The following SIRPB1 variants were observed in gnomAD, a reference collection of about 807,000 sequenced individuals.
SIRPB1 encodes signal-regulatory protein beta-1.
In SIRPB1, 28 loss-of-function variants were observed where a neutral mutation model predicts 34.1. The ratio of observed to expected loss-of-function variants is 0.82; its 90% CI spans 0.61 to 1.12. SIRPB1 has a LOEUF of 1.12. Ranked by LOEUF, SIRPB1 falls within the 50% of genes most tolerant of loss-of-function variation. The pLI is 0.00. For synonymous variants in SIRPB1, 211 were observed against 203.8 expected (o/e 1.04, Z -0.30); for missense variants, 499 against 507.0 (o/e 0.98, Z 0.15).
At position 1,566,177 on chromosome 20, in the gene SIRPB1, A is replaced by T; in HGVS notation, c.1175T>A (p.Ile392Asn). The T allele has an allele frequency of 6.2e-7, 1 of 1,610,256 alleles. No individual in the cohort carries two copies. Among genetic ancestry groups the T allele is most frequent in the Non-Finnish European group, 8.5e-7 (1 of 1,178,240 alleles). Residue 392 changes from isoleucine to asparagine, a missense_variant, in exon 5 of 6, where the codon ATC (isoleucine) becomes AAC (asparagine). Ile to Asn is a moderately radical substitution (Grantham distance 149). Coordinates refer to ENST00000381605, the MANE Select transcript of SIRPB1 (RefSeq NM_006065.5). ...LLVVGVSAIY[I>N]CWKQKA ...CAGTCAGGCCTTCTGTTTCCAGCAG[A>T]TGTAGATGGCAGAGACACCAACCAC...
rs547656371 is a variant in SIRPB1, at chr20:1,580,574, A to C, written c.77-1880T>G. Among the ~76,000 whole-genome samples the C allele has an allele frequency of 4.0e-5, 2 of 49,926 alleles. 1 individual carries two copies. The highest frequency in any genetic ancestry group is 1.4e-3 in the South Asian group (2 of 1,458). The allele number at this position is 49,926 out of a possible 152,430, so 32.8% of individuals were successfully genotyped here. A position where few individuals can be genotyped will look rare whatever the true frequency, so the allele number is the denominator to read the frequency against. ...CTAGAGGGGTCCCCCCAATGGGTAT[A>C]AGCCGGTGGAAGAATAATCAGAAAA... On this transcript the variant is annotated intron_variant, in intron 1 of 5. Transcript: ENST00000381605.
intron 4 of SIRPB1, 118 bp from the exon 5 acceptor site, chr20:1,566,385 C>T (rs2091135646): frequency 3.4e-6 from 2 of 595,744 alleles, no homozygotes; most frequent in Non-Finnish European, 5.9e-6. Context: ...AGCTTTTGAA[C>T]TTGCATCCTG....
chr20:1,617,687 C>T, intron 1 of SIRPB1, among the ~76,000 whole-genome samples: 1 of 152,108 alleles, frequency 6.6e-6, no homozygotes, highest in African/African-American at 2.4e-5. Context: ...TTTGAGAGAT[C>T]TCACCACAGA....
In SIRPB1 at chr20:1,578,635, C is replaced by A. The variant is rs761288540; in HGVS notation, c.136G>T (p.Ala46Ser). 13 of 1,584,394 alleles carry A rather than the reference C, an allele frequency of 8.2e-6. No homozygotes were observed. In the East Asian group the frequency reaches 2.2e-4, roughly 27 times the overall value. ...CAGCGCAGAGTGGCCGACTCTCCAG[C>A]TGCAACTGATACGGACTTTTCAGGC... is the stretch of plus-strand genomic sequence containing the variant. ...IQPEKSVSVA[A>S]GESATLRCAM... is the part of the protein sequence containing the mutation. Residue 46 changes from alanine (A) to serine (S), a missense_variant, in exon 2 of 6, where the codon GCT becomes TCT. Ala to Ser is a moderately conservative substitution (Grantham distance 99). Coordinates refer to ENST00000381605, the MANE Select transcript of SIRPB1 (RefSeq NM_006065.5).
Position 1,571,843 on chromosome 20 carries a change from T to C in SIRPB1, c.628A>G (p.Ser210Gly), listed in dbSNP as rs549516216. Reference protein sequence around the residue: ...AGDSVSYSIHSTARVVLTRGD... With the variant: ...AGDSVSYSIHGTARVVLTRGD... ...CGGGTCAGCACCACCCTGGCTGTGC[T>C]GTGGATGCTGTAGGACACACTGTCT... The change falls in exon 3 of 6, where the codon AGC (serine) becomes GGC (glycine). Residue 210 changes from serine (S) to glycine (G), a missense_variant. By Grantham distance (56) the Ser-to-Gly change is moderately conservative (BLOSUM62 0). Transcript: ENST00000381605. 6 of 1,614,262 alleles carry C rather than the reference T, an allele frequency of 3.7e-6. No individual in the cohort carries two copies. The Admixed American group carries it at 5.0e-5, about 13-fold the overall frequency.
Position 1,612,412 on chromosome 20 carries a change from T to C in SIRPB1, c.76+7457A>G, listed in dbSNP as rs2091578063. ...GCCTCCACTCTGTGGCTACATGGAG[T>C]GTTGCACTTTTTGCATCAATGGATT... On this transcript the variant is annotated intron_variant, in intron 1 of 5. Transcript: ENST00000381605. 2.8e-5 allele frequency among the ~76,000 whole-genome samples: 2 copies of C among 72,354 alleles called. 1 individual carries two copies. The highest frequency in any genetic ancestry group is 5.2e-5 in the Non-Finnish European group (2 of 38,592). 47.5% of individuals were successfully genotyped at this position (72,354 alleles called of 152,430 possible). A position where few individuals can be genotyped will look rare whatever the true frequency, so the allele number is the denominator to read the frequency against.
chr20:1,589,393 A>G lies in SIRPB1; in HGVS notation c.77-10699T>C, dbSNP rs1315950989. 4.1e-5 allele frequency among the ~76,000 whole-genome samples: 2 copies of G among 48,410 alleles called. 1 individual carries two copies. Among genetic ancestry groups the G allele is most frequent in the Non-Finnish European group, 7.9e-5 (2 of 25,268 alleles). The allele number at this position is 48,410 out of a possible 152,430, so 31.8% of individuals were successfully genotyped here. A position where few individuals can be genotyped will look rare whatever the true frequency, so the allele number is the denominator to read the frequency against. On this transcript the variant is annotated intron_variant, in intron 1 of 5. Transcript: ENST00000381605. ...ATGTGGCGGACAGGTTCCTGAGGTC[A>G]TCACATCAACTTTAATATCCTTTGT...
chr20:1,613,842 A>G lies in SIRPB1; in HGVS notation c.76+6027T>C, dbSNP rs1465540626. Among the ~76,000 whole-genome samples the G allele has an allele frequency of 2.6e-5, 4 of 152,232 alleles. No homozygotes were observed. The East Asian group carries it at 7.7e-4, about 29-fold the overall frequency. Reference sequence around the variant, plus strand: ...TTATTTGAAGACATAGTGGACAAAAACCTTCACAGACTAGATAAAATACAG... The same window carrying G: ...TTATTTGAAGACATAGTGGACAAAAGCCTTCACAGACTAGATAAAATACAG... On this transcript the variant is annotated intron_variant, in intron 1 of 5. Coordinates refer to ENST00000381605, the MANE Select transcript of SIRPB1 (RefSeq NM_006065.5).
chr20:1,588,627 A>C, intron 1 of SIRPB1: 1 of 589,798 alleles, frequency 1.7e-6, no homozygotes, highest in Non-Finnish European at 2.3e-6. Flanking sequence ...AGGCTGGGAC[A>C]GGCATCCTGG....
intron 1 of SIRPB1, among the ~76,000 whole-genome samples, chr20:1,617,808 CAAAT>C (rs2091651886): frequency 6.6e-6 from 1 of 151,954 alleles, no homozygotes. Flanking sequence ...ACAGTTCTGT[CAAAT>C]AAAAATAAAA....
rs2091450246 is a variant in SIRPB1, at chr20:1,593,933, G to A, written c.77-15239C>T. Among the ~76,000 whole-genome samples, 2 of 48,284 alleles carry A rather than the reference G, an allele frequency of 4.1e-5. 1 individual carries two copies. Among genetic ancestry groups the A allele is most frequent in the Non-Finnish European group, 7.9e-5 (2 of 25,166 alleles). 31.7% of individuals were successfully genotyped at this position (48,284 alleles called of 152,430 possible). On this transcript the variant is annotated intron_variant, in intron 1 of 5. Coordinates refer to ENST00000381605, the MANE Select transcript of SIRPB1 (RefSeq NM_006065.5). ...AAAATTGATGCAATAGGCCAGGTGC[G>A]GTGGCTCACACTTGTAACCCCAACA...
intron 1 of SIRPB1, among the ~76,000 whole-genome samples, chr20:1,617,766 T>A (rs2091651415): frequency 6.6e-6 from 1 of 152,204 alleles, no homozygotes; most frequent in South Asian, 2.1e-4. Context: ...TGTACACATA[T>A]TTCATTAATA....
At chr20:1,615,972 A>G (rs549247614) in intron 1 of SIRPB1, among the ~76,000 whole-genome samples, 6 of 152,338 alleles carry the variant, frequency 3.9e-5, no homozygotes, top group African/African-American at 1.2e-4. Flanking sequence ...CGCATTTACA[A>G]TTACTACCAA....
rs930191155 is a variant in SIRPB1, at chr20:1,586,235, G to A, written c.77-7541C>T. Among the ~76,000 whole-genome samples, 9 of 48,962 alleles carry A rather than the reference G, an allele frequency of 1.8e-4. 4 individuals carry two copies. The highest frequency in any genetic ancestry group is 3.5e-4 in the Non-Finnish European group (9 of 25,364). The allele number at this position is 48,962 out of a possible 152,430, so 32.1% of individuals were successfully genotyped here. On this transcript the variant is annotated intron_variant, in intron 1 of 5. Transcript: ENST00000381605. The stretch of plus-strand genomic sequence containing the variant: ...ATCCTTCAAAATTGCGAAGTGCATA[G>A]ATTTTAGGAGTTCTCGCCATACAAA...
rs75557338 is a variant in SIRPB1 at position 1,563,775 on chromosome 20, T to G, written c.*1725A>C. On this transcript the variant is annotated 3_prime_UTR_variant, in exon 6 of 6. Coordinates refer to ENST00000381605, the MANE Select transcript of SIRPB1 (RefSeq NM_006065.5). ...GCGAAGGGGGACTTGCCACACACTT[T>G]CAAAAAACCAGATCTCATGAGAACT... The G allele has an allele frequency of 6.6e-6, 1 of 151,888 alleles. No individual in the cohort carries two copies. Among genetic ancestry groups the G allele is most frequent in the Middle Eastern group, 3.4e-3 (1 of 294 alleles). The allele number at this position is 151,888 out of a possible 1,614,324, so 9.4% of individuals were successfully genotyped here.
intron 4 of SIRPB1, among the ~76,000 whole-genome samples, chr20:1,567,457 G>T (rs1262707858): frequency 6.6e-6 from 1 of 152,194 alleles, no homozygotes; most frequent in African/African-American, 2.4e-5. Flanking sequence ...CATTCCTGAG[G>T]CATGTTGACC....
rs77483463 is a variant in SIRPB1 at position 1,613,262 on chromosome 20, A to C, written c.76+6607T>G. ...CCTTTTCAAATTCTAGAGTTTTCTC[A>C]CATTCCTTTCTCACAGTTACATCTT... On this transcript the variant is annotated intron_variant, in intron 1 of 5. Coordinates refer to ENST00000381605, the MANE Select transcript of SIRPB1 (RefSeq NM_006065.5). Among the ~76,000 whole-genome samples, 2 of 73,908 alleles carry C rather than the reference A, an allele frequency of 2.7e-5. 1 individual carries two copies. The highest frequency in any genetic ancestry group is 1.1e-3 in the South Asian group (2 of 1,770). The allele number at this position is 73,908 out of a possible 152,430, so 48.5% of individuals were successfully genotyped here.
intron 2 of SIRPB1, among the ~76,000 whole-genome samples, chr20:1,572,250 G>A (rs1339585708): frequency 1.3e-5 from 2 of 152,140 alleles, no homozygotes; most frequent in African/African-American, 4.8e-5. Context: ...GTAGGGGCAG[G>A]GCCCAGAGGG....
At chr20:1,574,845 A>G (rs1282760567) in intron 2 of SIRPB1, among the ~76,000 whole-genome samples, 2 of 71,700 alleles carry the variant, frequency 2.8e-5, no homozygotes, top group Non-Finnish European at 5.5e-5. Context: ...AGAGCCAGGA[A>G]GTGGCAGAGC....
Sources: allele counts gnomAD v4.1 joint callset (sites outside exome capture counted in the v4.1 genomes callset), GRCh38; gene constraint gnomAD v4.1.1; transcripts MANE v1.5; gene names NCBI Gene and HGNC (gene_info 2026-07-23, HGNC 2026-07-21).